SV2C: variants seen among roughly 807,000 people sequenced by gnomAD.
SV2C encodes synaptic vesicle glycoprotein 2C, also known as solute carrier family 22 member B3.
SV2C carries 49 observed loss-of-function variants against 79.7 expected under a neutral mutation model. The observed-to-expected ratio is 0.61, with a 90% confidence interval of 0.49 to 0.78. The LOEUF is 0.78. Ranked by LOEUF, SV2C falls within the 30% of genes least tolerant of loss-of-function variation. SV2C has a pLI of 0.00. For synonymous variants in SV2C, 334 were observed against 333.2 expected, an observed-to-expected ratio of 1.00 and a Z score of -0.03; for missense variants, 833 against 912.9, an observed-to-expected ratio of 0.91 and a Z score of 1.13.
the SV2C span, among the ~76,000 whole-genome samples, chr5:76,022,418 T>G: frequency 3.3e-5 from 5 of 152,214 alleles, no homozygotes; most frequent in East Asian, 9.6e-4. Context: ...CATTGAGGAG[T>G]GTTTTTCACT....
chr5:75,960,244 G>C, the SV2C span, among the ~76,000 whole-genome samples: 1 of 151,786 alleles, frequency 6.6e-6, no homozygotes, highest in Non-Finnish European at 1.5e-5. Context: ...TGTAATAACT[G>C]TGTTAACACA....
chr5:75,900,079 T>C, the SV2C span, among the ~76,000 whole-genome samples: 1 of 152,300 alleles, frequency 6.6e-6, no homozygotes, highest in Non-Finnish European at 1.5e-5. Context: ...AAGTTAATAT[T>C]GTTATGTGTG....
intron 2 of SV2C, 94 bp downstream of exon 2, chr5:76,132,424 T>C: frequency 2.4e-6 from 3 of 1,262,694 alleles, no homozygotes; most frequent in Non-Finnish European, 3.2e-6. Flanking sequence ...TCATCTAGAG[T>C]ACTGCATTTT....
chr5:76,104,367 C>T (rs2112125018), intron 1 of SV2C, among the ~76,000 whole-genome samples: 1 of 152,274 alleles, frequency 6.6e-6, no homozygotes, highest in Admixed American at 6.5e-5. Flanking sequence ...TCTCATATTT[C>T]TATATTTATC....
chr5:75,939,983 G>A, the SV2C span, among the ~76,000 whole-genome samples: 1 of 152,228 alleles, frequency 6.6e-6, no homozygotes, highest in East Asian at 1.9e-4. Flanking sequence ...CCATCGTCCT[G>A]AGAACTGAAC....
At chr5:76,136,765 C>A (rs888496833) in intron 2 of SV2C, among the ~76,000 whole-genome samples, 2 of 152,052 alleles carry the variant, frequency 1.3e-5, no homozygotes, top group African/African-American at 4.8e-5. Context: ...CAAGAGTTTA[C>A]CGGGCAGATA....
At chr5:76,000,621 A>G in the SV2C span, among the ~76,000 whole-genome samples, 1 of 152,312 alleles carries the variant, frequency 6.6e-6, no homozygotes, top group South Asian at 2.1e-4. Flanking sequence ...TTTACTATGA[A>G]CACCAATTAG....
At chr5:75,870,065 CCAAT>C in the SV2C span, among the ~76,000 whole-genome samples, 1 of 152,126 alleles carries the variant, frequency 6.6e-6, no homozygotes, top group African/African-American at 2.4e-5. Context: ...TGTGAAGACT[CCAAT>C]AAATATGTAA....
chr5:76,252,251 C>T (rs1333086874), intron 4 of SV2C, among the ~76,000 whole-genome samples: 1 of 152,164 alleles, frequency 6.6e-6, no homozygotes, highest in Non-Finnish European at 1.5e-5. Context: ...TCCCAAGTAG[C>T]TGGGACTACA....
intron 12 of SV2C, among the ~76,000 whole-genome samples, chr5:76,316,759 C>T (rs1042968563): frequency 1.3e-5 from 2 of 152,108 alleles, no homozygotes; most frequent in Admixed American, 6.5e-5. Context: ...TCCTGGCAAG[C>T]TCCTACTATT....
intron 4 of SV2C, among the ~76,000 whole-genome samples, chr5:76,275,225 C>T (rs534197093): frequency 1.3e-5 from 2 of 152,296 alleles, no homozygotes; most frequent in Admixed American, 6.5e-5. Flanking sequence ...CAGTGGCTCA[C>T]GCCTGTAATC....
At position 76,180,378 on chromosome 5, in the gene SV2C, A is replaced by G. The variant is rs116325883; in HGVS notation, c.581-14541A>G. ...GTCTGTTTTTCACGCATTTTCTGAC[A>G]AGACACATAGTAGCACTTTTCTTCC... On this transcript the variant is annotated intron_variant, in intron 2 of 12. Transcript: ENST00000502798. 9.4e-3 allele frequency among the ~76,000 whole-genome samples: 1,439 copies of G among 152,338 alleles called. 15 individuals carry two copies. Among genetic ancestry groups the G allele is most frequent in the African/African-American group, 0.033 (1,357 of 41,576 alleles).
the SV2C span, among the ~76,000 whole-genome samples, chr5:75,943,667 A>T: frequency 6.6e-6 from 1 of 152,156 alleles, no homozygotes; most frequent in African/African-American, 2.4e-5. Flanking sequence ...TGAACAAAAC[A>T]CTTCACCTCT....
intron 12 of SV2C, among the ~76,000 whole-genome samples, chr5:76,346,183 C>G (rs1348648465): frequency 6.6e-6 from 1 of 152,130 alleles, no homozygotes; most frequent in East Asian, 1.9e-4. Context: ...TTCCACCATA[C>G]AGATACAATA....
chr5:76,288,038 T>A (rs1460239205), intron 6 of SV2C, among the ~76,000 whole-genome samples: 1 of 147,412 alleles, frequency 6.8e-6, no homozygotes, highest in East Asian at 2.0e-4. Flanking sequence ...TGAGCCAAGA[T>A]CGTGCCTCTG....
At chr5:76,118,304 T>C (rs1474805626) in intron 1 of SV2C, among the ~76,000 whole-genome samples, 2 of 152,208 alleles carry the variant, frequency 1.3e-5, no homozygotes, top group Non-Finnish European at 2.9e-5. Context: ...ATAAGGATGC[T>C]TGTCATTGGA....
At chr5:76,266,435 T>C (rs1347268118) in intron 4 of SV2C, among the ~76,000 whole-genome samples, 1 of 152,160 alleles carries the variant, frequency 6.6e-6, no homozygotes, top group Non-Finnish European at 1.5e-5. Context: ...CTCAAACTCC[T>C]GACCTCAAGT....
chr5:75,997,360 A>G, the SV2C span, among the ~76,000 whole-genome samples: 11 of 151,946 alleles, frequency 7.2e-5, no homozygotes, highest in Admixed American at 1.3e-4. Flanking sequence ...TAAACTAAAG[A>G]GCTTCTGCGC....
chr5:75,901,411 A>T, the SV2C span, among the ~76,000 whole-genome samples: 1 of 152,060 alleles, frequency 6.6e-6, no homozygotes, highest in Non-Finnish European at 1.5e-5. Flanking sequence ...ATTTTCATGA[A>T]CTGAGGATGC....
Sources: gnomAD v4.1 joint callset for allele counts (sites outside exome capture counted in the v4.1 genomes callset) on GRCh38, gnomAD v4.1.1 for gene constraint, MANE v1.5 for transcripts, NCBI Gene and HGNC (gene_info 2026-07-23, HGNC 2026-07-21) for gene names.